The following KIF1B variants were observed in gnomAD, a reference collection of about 807,000 sequenced individuals.
The protein encoded by KIF1B is kinesin-like protein KIF1B.
Under a neutral mutation model 241.9 loss-of-function variants are expected in KIF1B, and 76 were observed. The ratio of observed to expected loss-of-function variants is 0.31; its 90% CI spans 0.26 to 0.38. The LOEUF is 0.38. KIF1B is among the 10% of genes least tolerant of loss of function. The probability of loss-of-function intolerance (pLI) is 1.00; values close to 1 mark genes in which losing one functional copy is unlikely to be tolerated. For synonymous variants in KIF1B, 750 were observed against 796.7 expected (o/e 0.94, Z 0.99); for missense variants, 1,622 against 2,271.4 (o/e 0.71, Z 5.81).
chr1:10,336,894 G>A (rs901736028), intron 29 of KIF1B, 152 bp downstream of exon 29: 13 of 1,089,206 alleles, frequency 1.2e-5, no homozygotes, highest in Admixed American at 5.4e-5. Flanking sequence ...CAATTATGAA[G>A]GTAAAGGTGT....
chr1:10,274,298 G>A (rs1164213564), intron 10 of KIF1B, among the ~76,000 whole-genome samples: 1 of 152,062 alleles, frequency 6.6e-6, no homozygotes, highest in African/African-American at 2.4e-5. Context: ...TATTTGAGTA[G>A]CTGTTACCTG....
chr1:10,268,608 C>T (rs1193739235), intron 7 of KIF1B, among the ~76,000 whole-genome samples: 1 of 149,054 alleles, frequency 6.7e-6, no homozygotes, highest in Admixed American at 6.9e-5. Context: ...TTATTAGCTG[C>T]CTTTGGTATG....
intron 27 of KIF1B, among the ~76,000 whole-genome samples, chr1:10,333,976 C>A (rs1652061499): frequency 6.6e-6 from 1 of 151,764 alleles, no homozygotes; most frequent in East Asian, 2.0e-4. Context: ...CATGGTGAAA[C>A]CCCATCTCTA....
In KIF1B at chr1:10,323,869, A is replaced by G; in HGVS notation, c.2359-15A>G. On this transcript the variant is annotated splice_polypyrimidine_tract_variant and intron_variant, in intron 24 of 48. Transcript: ENST00000676179. ...GCTGAAAACCATTTGTCAATGGTTT[A>G]TTCTTTCTATTCAGGTGCAGTTTCA... 1.2e-6 allele frequency: 2 copies of G among 1,611,162 alleles called. No individual in the cohort carries two copies. The highest frequency in any genetic ancestry group is 1.7e-4 in the Middle Eastern group (1 of 6,060).
intron 43 of KIF1B, among the ~76,000 whole-genome samples, chr1:10,367,538 ATTT>A (rs111301088): frequency 7.0e-6 from 1 of 143,326 alleles, no homozygotes; most frequent in Non-Finnish European, 1.5e-5. Context: ...TCTTTATTAA[ATTT>A]TTTTTTTTTT....
chr1:10,235,623 G>A (rs944632265), intron 2 of KIF1B, among the ~76,000 whole-genome samples: 1 of 152,198 alleles, frequency 6.6e-6, no homozygotes, highest in African/African-American at 2.4e-5. Flanking sequence ...CACTTTGGGA[G>A]GCCGAGGTGG....
At chr1:10,350,524 A>C (rs1652755136) in intron 37 of KIF1B, among the ~76,000 whole-genome samples, 1 of 152,116 alleles carries the variant, frequency 6.6e-6, no homozygotes, top group Admixed American at 6.5e-5. Context: ...GTGCCACTGC[A>C]CTCCAGCCTG....
chr1:10,299,985 C>T (rs1650457305), intron 22 of KIF1B, among the ~76,000 whole-genome samples: 1 of 152,012 alleles, frequency 6.6e-6, no homozygotes, highest in Non-Finnish European at 1.5e-5. Context: ...GCCTGTAATC[C>T]CAGCACTTTG....
intron 7 of KIF1B, 60 bp from the exon 8 acceptor site, chr1:10,271,442 T>G: frequency 8.3e-7 from 1 of 1,210,660 alleles, no homozygotes. Context: ...TGCCTCTAAA[T>G]ATTTCCTGCT....
At chr1:10,348,266 A>T (rs1353495919) in intron 36 of KIF1B, among the ~76,000 whole-genome samples, 1 of 152,138 alleles carries the variant, frequency 6.6e-6, no homozygotes, top group African/African-American at 2.4e-5. Flanking sequence ...TCAGTGTTCA[A>T]AAGTACTTAA....
At position 10,374,789 on chromosome 1, in the gene KIF1B, A is replaced by G. The variant is rs1638838179; in HGVS notation, c.5097-65A>G. The G allele has an allele frequency of 8.8e-6, 13 of 1,485,700 alleles. No individual in the cohort carries two copies. The highest frequency in any genetic ancestry group is 1.2e-5 in the Non-Finnish European group (13 of 1,064,906). The allele number at this position is 1,485,700 out of a possible 1,614,324, so 92.0% of individuals were successfully genotyped here. ...CTTGGCCTAAGTGTGGCGTATTTTG[A>G]TGGTCCTCAGCACGATTATTTTCTT... On this transcript the variant is annotated intron_variant, in intron 46 of 48. Coordinates refer to ENST00000676179, the MANE Select transcript of KIF1B (RefSeq NM_001365951.3). The surrounding 1 kb of genome is among the most constrained non-coding windows in gnomAD (Gnocchi z 4.3).
At chr1:10,236,596 G>C (rs759766367) in intron 2 of KIF1B, among the ~76,000 whole-genome samples, 16 of 152,148 alleles carry the variant, frequency 1.1e-4, no homozygotes, top group Non-Finnish European at 1.6e-4. Flanking sequence ...TCCTTTGAAA[G>C]GTATCTGTTC....
At chr1:10,316,636 G>T (rs1251619410) in intron 22 of KIF1B, among the ~76,000 whole-genome samples, 1 of 151,374 alleles carries the variant, frequency 6.6e-6, no homozygotes, top group African/African-American at 2.5e-5. Flanking sequence ...TAGTAGCTGG[G>T]ACTACAGGTG....
chr1:10,376,404 C>T (rs555158442), intron 48 of KIF1B, 141 bp from the exon 49 acceptor site: 54 of 812,860 alleles, frequency 6.6e-5, no homozygotes, highest in Non-Finnish European at 1.0e-4. Context: ...CACAGGGTCC[C>T]GGAGTAGACG....
At chr1:10,237,647 C>T (rs1306470816) in intron 2 of KIF1B, among the ~76,000 whole-genome samples, 1 of 152,064 alleles carries the variant, frequency 6.6e-6, no homozygotes, top group Non-Finnish European at 1.5e-5. Flanking sequence ...TTCATTCACG[C>T]ATACATTTCT....
At chr1:10,332,069 C>A (rs61178349) in intron 27 of KIF1B, among the ~76,000 whole-genome samples, 1 of 151,960 alleles carries the variant, frequency 6.6e-6, no homozygotes, top group African/African-American at 2.4e-5. Flanking sequence ...TATCTTTTTT[C>A]TTTTTTTCTC....
chr1:10,289,850 C>T (rs543382535), intron 15 of KIF1B, among the ~76,000 whole-genome samples: 28 of 152,268 alleles, frequency 1.8e-4, no homozygotes, highest in Admixed American at 7.8e-4. Flanking sequence ...CACCACTGTA[C>T]GCTAGCCTGG....
intron 12 of KIF1B, among the ~76,000 whole-genome samples, 161 bp downstream of exon 12, chr1:10,276,560 A>T (rs1054199262): frequency 1.3e-5 from 2 of 152,210 alleles, no homozygotes; most frequent in African/African-American, 4.8e-5. Context: ...GATTTGTATT[A>T]TAATAGAATT....
In KIF1B at chr1:10,374,262, G is replaced by C. The variant is rs1638825003; in HGVS notation, c.4947-54G>C. 2 of 1,572,744 alleles carry C rather than the reference G, an allele frequency of 1.3e-6. No homozygotes were observed. The highest frequency in any genetic ancestry group is 2.7e-5 in the African/African-American group (2 of 74,192). ...AGTGAAACAGTACTCAGTATGCCTT[G>C]ATTGTAACTGATTCTCTTGTTACCC... On this transcript the variant is annotated intron_variant, in intron 45 of 48. Coordinates refer to ENST00000676179, the MANE Select transcript of KIF1B (RefSeq NM_001365951.3). The surrounding 1 kb of genome is among the most constrained non-coding windows in gnomAD (Gnocchi z 4.3).
Sources: allele counts gnomAD v4.1 joint callset (sites outside exome capture counted in the v4.1 genomes callset), GRCh38; gene constraint gnomAD v4.1.1; non-coding constraint Gnocchi (gnomAD v3.1); transcripts MANE v1.5; gene names NCBI Gene and HGNC (gene_info 2026-07-23, HGNC 2026-07-21).